Variants in MYRF observed in about 807,000 individuals in gnomAD.
MYRF encodes the protein myelin gene regulatory factor.
Under a neutral mutation model 126.3 loss-of-function variants are expected in MYRF, and 16 were observed. The observed-to-expected ratio is 0.13, with a 90% confidence interval of 0.09 to 0.19. MYRF has a LOEUF of 0.19. MYRF is among the 10% of genes least tolerant of loss of function. The pLI is 1.00. For synonymous variants in MYRF, 608 were observed against 635.3 expected, an observed-to-expected ratio of 0.96 and a Z score of 0.65; for missense variants, 1,104 against 1,547.0, an observed-to-expected ratio of 0.71 and a Z score of 4.80.
chr11:61,754,030 G>A (rs117574068), intron 1 of MYRF: 2,534 of 152,630 alleles, frequency 0.017, 93 homozygotes, highest in East Asian at 0.12. Context: ...GCTCCTTGGT[G>A]CATTGAGAAC....
chr11:61,780,001 A>G (rs1011473582), intron 17 of MYRF, 71 bp downstream of exon 17: 33 of 1,407,368 alleles, frequency 2.3e-5, no homozygotes, highest in Admixed American at 1.5e-4. Flanking sequence ...TCAGCTGCCC[A>G]TGGGCTCAGG....
At chr11:61,785,994 G>A in intron 26 of MYRF, 69 bp from the exon 27 acceptor site, 1 of 1,562,786 alleles carries the variant, frequency 6.4e-7, no homozygotes, top group Non-Finnish European at 8.8e-7. Flanking sequence ...GTCAAGCAAT[G>A]TCAGCAGGGA....
Position 61,770,345 on chromosome 11 carries a change from G to GGGGCCC in MYRF, c.560_561insGGGCCC (p.Gly187_Pro188insGlyPro). ...CCCCCACCTCCAGCCCACTTGCCAG[G>GGGGCCC]CCCCCCGCCACCCCCACCACCCCCA... On this transcript the variant is annotated inframe_insertion, in exon 5 of 27. Coordinates refer to ENST00000278836, the MANE Select transcript of MYRF (RefSeq NM_001127392.3). 2.0e-6 allele frequency: 3 copies of GGGGCCC among 1,504,806 alleles called. No individual in the cohort carries two copies. Among genetic ancestry groups the GGGGCCC allele is most frequent in the Non-Finnish European group, 2.7e-6 (3 of 1,109,466 alleles). 93.2% of individuals were successfully genotyped at this position (1,504,806 alleles called of 1,614,324 possible). A position where few individuals can be genotyped will look rare whatever the true frequency, so the allele number is the denominator to read the frequency against.
chr11:61,755,176 G>A (rs1485172853), intron 1 of MYRF, among the ~76,000 whole-genome samples: 1 of 152,150 alleles, frequency 6.6e-6, no homozygotes, highest in Non-Finnish European at 1.5e-5. Context: ...AGCACAGCGC[G>A]CCCCCTCACC....
intron 8 of MYRF, 47 bp downstream of exon 8, chr11:61,774,209 G>A (rs1286865534): frequency 6.5e-7 from 1 of 1,527,798 alleles, no homozygotes; most frequent in African/African-American, 1.4e-5. Context: ...GGGCCCTTTG[G>A]GGGCACTGAA....
At chr11:61,754,751 G>T (rs1410999963) in intron 1 of MYRF, among the ~76,000 whole-genome samples, 1 of 152,216 alleles carries the variant, frequency 6.6e-6, no homozygotes, top group Non-Finnish European at 1.5e-5. Context: ...GAATGTCTGT[G>T]GGGAGCAGGG....
chr11:61,784,443 C>A, intron 25 of MYRF, 58 bp downstream of exon 25: 3 of 1,425,084 alleles, frequency 2.1e-6, no homozygotes, highest in Middle Eastern at 1.9e-4. Flanking sequence ...TCTCCTGGCA[C>A]AACTGGGCCC....
At chr11:61,766,258 T>A in intron 3 of MYRF, 37 bp downstream of exon 3, 1 of 1,562,010 alleles carries the variant, frequency 6.4e-7, no homozygotes, top group Non-Finnish European at 8.6e-7. Context: ...TACAGCGGCA[T>A]AGGGGCAGGC....
In MYRF at chr11:61,778,515, A is replaced by C. The variant is rs1424296219; in HGVS notation, c.2013+26A>C. On this transcript the variant is annotated intron_variant, in intron 14 of 26. Coordinates refer to ENST00000278836, the MANE Select transcript of MYRF (RefSeq NM_001127392.3). The surrounding 1 kb of genome is among the most constrained non-coding windows in gnomAD (Gnocchi z 4.6). ...GTCTGTGGGTGGGGGAATGGGAGGG[A>C]GCCCAGAGGCAAGTGGGGAGCCAGC... is the stretch of plus-strand genomic sequence containing the variant. The C allele has an allele frequency of 6.5e-7, 1 of 1,547,038 alleles. No homozygotes were observed. Among genetic ancestry groups the C allele is most frequent in the Admixed American group, 1.7e-5 (1 of 59,922 alleles).
chr11:61,755,119 CG>C (rs2065711211), intron 1 of MYRF, among the ~76,000 whole-genome samples: 1 of 152,174 alleles, frequency 6.6e-6, no homozygotes, highest in Non-Finnish European at 1.5e-5. Flanking sequence ...CCTGTGCTCT[CG>C]GCTCTGGGCT....
At position 61,780,981 on chromosome 11, in the gene MYRF, C is replaced by G; in HGVS notation, c.2508C>G (p.Thr836=). The part of the protein sequence containing the change: ...LCPWSSQSFG[T]TQLRQSPLTT... ...GCAGGTCCAGCCAGAGCTTTGGGACCACGCAGCTCCGACAGTCCCCCTTGA... is the reference window on the plus strand; with the variant it reads ...GCAGGTCCAGCCAGAGCTTTGGGACGACGCAGCTCCGACAGTCCCCCTTGA... The change falls in exon 20 of 27, where the codon ACC becomes ACG. Residue 836 remains threonine, a synonymous_variant. Transcript: ENST00000278836. 6.2e-7 allele frequency: 1 copy of G among 1,610,042 alleles called. No homozygotes were observed. Among genetic ancestry groups the G allele is most frequent in the Non-Finnish European group, 8.5e-7 (1 of 1,179,996 alleles).
chr11:61,769,330 A>G lies in MYRF; in HGVS notation c.460+9A>G. The G allele has an allele frequency of 6.9e-6, 11 of 1,605,790 alleles. No individual in the cohort carries two copies. Among genetic ancestry groups the G allele is most frequent in the African/African-American group, 1.3e-5 (1 of 74,926 alleles). Reference sequence around the variant, plus strand: ...CCCCCAGCAGGTGAATGGTGAGTCCAGCGGGCACCGCCCTCCTGCTCCAGG... The same window carrying G: ...CCCCCAGCAGGTGAATGGTGAGTCCGGCGGGCACCGCCCTCCTGCTCCAGG... On this transcript the variant is annotated intron_variant, in intron 4 of 26. Transcript: ENST00000278836.
At chr11:61,754,669 C>T (rs1015423100) in intron 1 of MYRF, among the ~76,000 whole-genome samples, 7 of 151,748 alleles carry the variant, frequency 4.6e-5, no homozygotes, top group African/African-American at 1.5e-4. Flanking sequence ...GCTGACGCCA[C>T]GGCTTAGCCA....
At chr11:61,769,361 G>C in intron 4 of MYRF, 40 bp downstream of exon 4, 1 of 1,551,598 alleles carries the variant, frequency 6.4e-7, no homozygotes, top group African/African-American at 1.4e-5. Context: ...CCAGGGTTTG[G>C]GCAAGTAGTT....
In MYRF at chr11:61,777,237, G is replaced by A. The variant is rs2135839274; in HGVS notation, c.1591-27G>A. On this transcript the variant is annotated intron_variant, in intron 11 of 26. Transcript: ENST00000278836. This position sits in a 1 kb window ranked among gnomAD's most constrained non-coding sequence, Gnocchi z 8.8. ...TGCAGGTCCCCTCCCTATCCCCCAG[G>A]ACTGATCCAGCCCCAACTCGCGGTA... 1.9e-6 allele frequency: 3 copies of A among 1,605,646 alleles called. No homozygotes were observed. The highest frequency in any genetic ancestry group is 2.7e-5 in the African/African-American group (2 of 74,984).
In MYRF at chr11:61,776,305, C is replaced by G; in HGVS notation, c.1389-17C>G. 1 of 1,606,202 alleles carries G rather than the reference C, an allele frequency of 6.2e-7. No individual in the cohort carries two copies. The highest frequency in any genetic ancestry group is 8.5e-7 in the Non-Finnish European group (1 of 1,175,706). ...CCTCCCTCCCTGCCCCCTGAGCACC[C>G]TGCCTCTCCTCTGCAGGGTCAATCT... On this transcript the variant is annotated splice_polypyrimidine_tract_variant and intron_variant, in intron 9 of 26. Transcript: ENST00000278836. This position sits in a 1 kb window ranked among gnomAD's most constrained non-coding sequence, Gnocchi z 4.3.
At position 61,771,553 on chromosome 11, in the gene MYRF, C is replaced by T. The variant is rs749457335; in HGVS notation, c.794C>T (p.Thr265Ile). Residue 265 changes from threonine (T) to isoleucine (I), a missense_variant, in exon 6 of 27, where the codon ACC becomes ATC. By Grantham distance (89) the Thr-to-Ile change is moderately conservative. Transcript: ENST00000278836. ...AAGCACTCTGAATCCCCCCCCAGCA[C>T]CCTCAATGCCCAGATGCTGAATGGA... is the stretch of plus-strand genomic sequence containing the variant. Reference protein sequence around the residue: ...KRKHSESPPSTLNAQMLNGMI... With the variant: ...KRKHSESPPSILNAQMLNGMI... The T allele has an allele frequency of 2.5e-6, 4 of 1,613,832 alleles. No homozygotes were observed. The highest frequency in any genetic ancestry group is 3.3e-5 in the Admixed American group (2 of 59,992).
intron 1 of MYRF, among the ~76,000 whole-genome samples, chr11:61,758,905 C>T (rs183563573): frequency 5.9e-5 from 9 of 152,330 alleles, no homozygotes; most frequent in Middle Eastern, 3.4e-3. Context: ...CACGGATGAA[C>T]GCTGGTGTGC....
Position 61,783,788 on chromosome 11 carries a change from C to T in MYRF, c.3120-63C>T. 1 of 1,514,488 alleles carries T rather than the reference C, an allele frequency of 6.6e-7. No homozygotes were observed. The highest frequency in any genetic ancestry group is 9.0e-7 in the Non-Finnish European group (1 of 1,112,546). 93.8% of individuals were successfully genotyped at this position (1,514,488 alleles called of 1,614,324 possible). A position where few individuals can be genotyped will look rare whatever the true frequency, so the allele number is the denominator to read the frequency against. On this transcript the variant is annotated intron_variant, in intron 23 of 26. Coordinates refer to ENST00000278836, the MANE Select transcript of MYRF (RefSeq NM_001127392.3). This position sits in a 1 kb window ranked among gnomAD's most constrained non-coding sequence, Gnocchi z 4.6. ...CAGTACAGATTGGGGGCTGAGGAGT[C>T]CCTGGTGGGGGTGGGGGGTGGCAGG...
Sources: allele counts gnomAD v4.1 joint callset (sites outside exome capture counted in the v4.1 genomes callset), GRCh38; gene constraint gnomAD v4.1.1; non-coding constraint Gnocchi (gnomAD v3.1); transcripts MANE v1.5; gene names NCBI Gene and HGNC (gene_info 2026-07-23, HGNC 2026-07-21).